The following SNX5 variants were observed in gnomAD, a reference collection of about 807,000 sequenced individuals.
The protein encoded by SNX5 is sorting nexin-5.
In SNX5, 31 loss-of-function variants were observed where a neutral mutation model predicts 53.9. That is an observed-to-expected ratio of 0.58 (90% CI 0.43 to 0.78). SNX5 has a LOEUF of 0.78. SNX5 is among the 30% of genes least tolerant of loss of function. The probability of loss-of-function intolerance (pLI) is 0.00; values close to 1 mark genes in which losing one functional copy is unlikely to be tolerated. For synonymous variants in SNX5, 168 were observed against 171.1 expected (o/e 0.98, Z 0.14); for missense variants, 471 against 478.8 (o/e 0.98, Z 0.15).
At chr20:17,961,225 C>A (rs2035442690) in intron 1 of SNX5, 2 of 985,420 alleles carry the variant, frequency 2.0e-6, no homozygotes, top group Non-Finnish European at 2.4e-6. Flanking sequence ...CACCAGTCTT[C>A]ATAAACTCAC....
At chr20:17,962,424 C>G (rs2035471653) in intron 1 of SNX5, among the ~76,000 whole-genome samples, 1 of 152,088 alleles carries the variant, frequency 6.6e-6, no homozygotes, top group South Asian at 2.1e-4. Context: ...AGGCTGGTCT[C>G]TAACTCCTGA....
Position 17,942,075 on chromosome 20 carries a change from A to G in SNX5, c.*282T>C, listed in dbSNP as rs751680899. 5.3e-6 allele frequency: 2 copies of G among 376,984 alleles called. No homozygotes were observed. Among genetic ancestry groups the G allele is most frequent in the African/African-American group, 2.1e-5 (1 of 47,540 alleles). The allele number at this position is 376,984 out of a possible 1,614,324, so 23.4% of individuals were successfully genotyped here. On this transcript the variant is annotated 3_prime_UTR_variant, in exon 13 of 13. Transcript: ENST00000377759. ...TTTCCAGAAGGCTAATGTGTCCTAC[A>G]CCCTTTCTTAGTAACTAAAGACGAA...
intron 1 of SNX5, among the ~76,000 whole-genome samples, chr20:17,958,872 C>T (rs1206453288): frequency 6.6e-6 from 1 of 152,186 alleles, no homozygotes; most frequent in Non-Finnish European, 1.5e-5. Context: ...GCTATACCAA[C>T]GACTCTACTG....
At chr20:17,948,376 A>G (rs60240025) in intron 10 of SNX5, among the ~76,000 whole-genome samples, 1,891 of 152,294 alleles carry the variant, frequency 0.012, 39 homozygotes, top group African/African-American at 0.043. Flanking sequence ...TGATGGGGGG[A>G]AAAATTTTTT....
At chr20:17,966,100 C>A (rs1288315789) in intron 1 of SNX5, among the ~76,000 whole-genome samples, 2 of 152,064 alleles carry the variant, frequency 1.3e-5, no homozygotes, top group Non-Finnish European at 2.9e-5. Context: ...TGTAACCAAG[C>A]AGTAAGTTAA....
chr20:17,955,600 C>T, intron 2 of SNX5, 125 bp from the exon 3 acceptor site: 1 of 628,586 alleles, frequency 1.6e-6, no homozygotes, highest in Non-Finnish European at 2.9e-6. Context: ...AAGAACAAAG[C>T]AGTTATACAT....
chr20:17,947,308 G>A (rs1348671008), intron 11 of SNX5, 178 bp downstream of exon 11: 6 of 615,172 alleles, frequency 9.8e-6, no homozygotes, highest in Non-Finnish European at 1.4e-5. Flanking sequence ...GGTGTGTAAC[G>A]TTTGTAAGCA....
Position 17,947,608 on chromosome 20 carries a change from T to C in SNX5, c.956A>G (p.Tyr319Cys), listed in dbSNP as rs773664052. The change falls in exon 11 of 13, where the codon TAT becomes TGT. Residue 319 changes from tyrosine to cysteine, a missense_variant. Transcript: ENST00000377759. Reference sequence around the variant, plus strand: ...ATCCAGAGCTTTGTTTGAGTTCTCATAGTCAATGAGGGCTTTGGTGCGTCT... The same window carrying C: ...ATCCAGAGCTTTGTTTGAGTTCTCACAGTCAATGAGGGCTTTGGTGCGTCT... Reference protein sequence around the residue: ...LYRRTKALIDYENSNKALDKA... With the variant: ...LYRRTKALIDCENSNKALDKA... The C allele has an allele frequency of 1.9e-6, 3 of 1,613,894 alleles. No homozygotes were observed. The highest frequency in any genetic ancestry group is 1.7e-5 in the Admixed American group (1 of 59,982).
At chr20:17,952,530 A>T in intron 5 of SNX5, 57 bp downstream of exon 5, 5 of 1,537,058 alleles carry the variant, frequency 3.3e-6, no homozygotes, top group Non-Finnish European at 3.5e-6. Flanking sequence ...TATCAAGTAC[A>T]TTTTGAAAGT....
Position 17,942,314 on chromosome 20 carries a change from GCTTT to G in SNX5, c.*39_*42del, listed in dbSNP as rs761318673. The G allele has an allele frequency of 5.7e-5, 74 of 1,309,288 alleles. No individual in the cohort carries two copies. The highest frequency in any genetic ancestry group is 8.1e-5 in the Non-Finnish European group (73 of 902,874). 81.1% of individuals were successfully genotyped at this position (1,309,288 alleles called of 1,614,324 possible). A position where few individuals can be genotyped will look rare whatever the true frequency, so the allele number is the denominator to read the frequency against. On this transcript the variant is annotated 3_prime_UTR_variant, in exon 13 of 13. Coordinates refer to ENST00000377759, the MANE Select transcript of SNX5 (RefSeq NM_014426.4). Reference sequence around the variant, plus strand: ...ATGATTTAAGTGCAAGTGATGCTTGGCTTTCTTTCACATTCATTTCTTTTCTTCT... The same window carrying G: ...ATGATTTAAGTGCAAGTGATGCTTGGCTTTCACATTCATTTCTTTTCTTCT...
intron 12 of SNX5, chr20:17,942,768 G>C: frequency 2.8e-6 from 1 of 360,218 alleles, no homozygotes; most frequent in South Asian, 4.0e-5. Flanking sequence ...AAAGTTGCTA[G>C]AAATTAGGGC....
In SNX5 at chr20:17,968,449, G is replaced by C. The variant is rs760521878; in HGVS notation, c.-24C>G. The stretch of plus-strand genomic sequence containing the variant: ...ATGGCGACGCGGGACTCGAGCAGGG[G>C]CCGCCTGGCTGTGCGAGGAAAGAAG... On this transcript the variant is annotated 5_prime_UTR_variant, in exon 1 of 13. Coordinates refer to ENST00000377759, the MANE Select transcript of SNX5 (RefSeq NM_014426.4). The C allele has an allele frequency of 1.1e-4, 137 of 1,289,702 alleles. No individual in the cohort carries two copies. The highest frequency in any genetic ancestry group is 1.3e-4 in the Non-Finnish European group (135 of 1,016,208). 79.9% of individuals were successfully genotyped at this position (1,289,702 alleles called of 1,614,324 possible). A position where few individuals can be genotyped will look rare whatever the true frequency, so the allele number is the denominator to read the frequency against.
Position 17,964,443 on chromosome 20 carries a change from A to G in SNX5, c.51+3932T>C, listed in dbSNP as rs572031436. Among the ~76,000 whole-genome samples the G allele has an allele frequency of 3.3e-5, 5 of 152,346 alleles. No homozygotes were observed. In the East Asian group the frequency reaches 9.6e-4, roughly 29 times the overall value. On this transcript the variant is annotated intron_variant, in intron 1 of 12. Transcript: ENST00000377759. ...AAACTTAAGTGTTGGCTGCCCCTCA[A>G]ACTGCAACTTACTCCTCCTGGGGTA...
At position 17,968,460 on chromosome 20, in the gene SNX5, G is replaced by A. The variant is rs1466486704; in HGVS notation, c.-35C>T. The A allele has an allele frequency of 2.3e-6, 3 of 1,290,288 alleles. No homozygotes were observed. The highest frequency in any genetic ancestry group is 1.5e-5 in the African/African-American group (1 of 64,636). The allele number at this position is 1,290,288 out of a possible 1,614,324, so 79.9% of individuals were successfully genotyped here. On this transcript the variant is annotated 5_prime_UTR_variant, in exon 1 of 13. An upstream open reading frame in the 5' UTR gains an earlier in-frame stop. Transcript: ENST00000377759. ...GGACTCGAGCAGGGGCCGCCTGGCTGTGCGAGGAAAGAAGAAGCTGGGCCG... is the reference window on the plus strand; with the variant it reads ...GGACTCGAGCAGGGGCCGCCTGGCTATGCGAGGAAAGAAGAAGCTGGGCCG...
rs1568591713 is a variant in SNX5 at position 17,952,678 on chromosome 20, G to C, written c.422C>G (p.Ser141Cys). The C allele has an allele frequency of 6.2e-7, 1 of 1,614,002 alleles. No homozygotes were observed. Among genetic ancestry groups the C allele is most frequent in the South Asian group, 1.1e-5 (1 of 91,050 alleles). Residue 141 changes from serine to cysteine, a missense_variant, in exon 5 of 13, where the codon TCC (serine) becomes TGC (cysteine). Transcript: ENST00000377759. ...CCGCTGAAGAAAGACTTCATGGGAG[G>C]ACACAGTCTTCTTAAACACAGCGAG... ...EYLAVFKKTV[S>C]SHEVFLQRLS... is the part of the protein sequence containing the mutation.
intron 11 of SNX5, chr20:17,944,549 TTC>T (rs1314507181): frequency 2.6e-5 from 4 of 152,130 alleles, no homozygotes; most frequent in Non-Finnish European, 4.4e-5. Flanking sequence ...CTACTCCTTT[TTC>T]TTTTTTTTTC....
intron 1 of SNX5, chr20:17,962,045 A>G (rs2035461886): frequency 3.2e-6 from 3 of 928,030 alleles, no homozygotes; most frequent in South Asian, 1.0e-4. Context: ...TCAGGAAACA[A>G]TGTTCCCATT....
At chr20:17,964,373 T>G (rs757555869) in intron 1 of SNX5, among the ~76,000 whole-genome samples, 1 of 152,222 alleles carries the variant, frequency 6.6e-6, no homozygotes, top group African/African-American at 2.4e-5. Flanking sequence ...AAAAAAGTTA[T>G]GCCAAAATGT....
In SNX5 at chr20:17,947,599, G is replaced by T. The variant is rs1466559123; in HGVS notation, c.965C>A (p.Ser322Ter). Reference protein sequence around the residue: ...RTKALIDYENSNKALDKARLK... With the variant: ...RTKALIDYEN ...CCGGGCCTTATCCAGAGCTTTGTTT[G>T]AGTTCTCATAGTCAATGAGGGCTTT... Residue 322 changes from serine to a stop codon, truncating the protein, a stop_gained, in exon 11 of 13, where the codon TCA (serine) becomes TAA (stop). Transcript: ENST00000377759. LOFTEE classifies it high-confidence loss of function. 1.2e-6 allele frequency: 2 copies of T among 1,614,026 alleles called. No individual in the cohort carries two copies.
Sources: allele counts gnomAD v4.1 joint callset (sites outside exome capture counted in the v4.1 genomes callset), GRCh38; gene constraint gnomAD v4.1.1; transcripts MANE v1.5; gene names NCBI Gene and HGNC (gene_info 2026-07-23, HGNC 2026-07-21).